MAST4: variants seen among roughly 807,000 people sequenced by gnomAD.
MAST4 encodes the protein microtubule associated serine/threonine kinase family member 4.
Under a neutral mutation model 162.7 loss-of-function variants are expected in MAST4, and 89 were observed. The ratio of observed to expected loss-of-function variants is 0.55; its 90% confidence interval spans 0.46 to 0.65. The LOEUF (loss-of-function observed/expected upper bound fraction) is 0.65. MAST4 is among the 30% of genes least tolerant of loss of function. MAST4 has a pLI of 0.00. For synonymous variants in MAST4, 1,479 were observed against 1,361.1 expected (o/e 1.09, Z -1.91); for missense variants, 3,153 against 3,374.0 (o/e 0.93, Z 1.62).
chr5:66,759,646 G>T, intron 1 of MAST4, 63 bp from the exon 2 acceptor site: 1 of 1,548,378 alleles, frequency 6.5e-7, no homozygotes. Flanking sequence ...GTGAATGATT[G>T]GTCTTTCATT....
intron 3 of MAST4, among the ~76,000 whole-genome samples, chr5:66,815,504 G>A (rs1235564519): frequency 6.6e-6 from 1 of 152,154 alleles, no homozygotes; most frequent in Admixed American, 6.5e-5. Context: ...CAGTATATAT[G>A]GGGCTTGGTA....
chr5:66,747,993 G>T (rs1489178419), intron 1 of MAST4, among the ~76,000 whole-genome samples: 5 of 152,204 alleles, frequency 3.3e-5, no homozygotes, highest in African/African-American at 1.2e-4. Context: ...GACCCGTGAA[G>T]TCTCAGTTGG....
At chr5:67,087,516 C>T (rs960765008) in intron 5 of MAST4, among the ~76,000 whole-genome samples, 9 of 152,168 alleles carry the variant, frequency 5.9e-5, no homozygotes, top group Non-Finnish European at 1.2e-4. Flanking sequence ...GAAACTGTCT[C>T]GATTGCCTTG....
At chr5:66,634,987 C>T (rs901314947) in intron 1 of MAST4, among the ~76,000 whole-genome samples, 4 of 152,222 alleles carry the variant, frequency 2.6e-5, no homozygotes, top group Non-Finnish European at 2.9e-5. Flanking sequence ...CTCTGGGATG[C>T]AGGTCCTGCC....
At chr5:66,876,907 T>A (rs1761340116) in intron 3 of MAST4, among the ~76,000 whole-genome samples, 1 of 152,168 alleles carries the variant, frequency 6.6e-6, no homozygotes, top group South Asian at 2.1e-4. Flanking sequence ...GGATAGAGCT[T>A]AAAACATATC....
intron 4 of MAST4, among the ~76,000 whole-genome samples, chr5:67,053,127 A>AG (rs1159020756): frequency 2.0e-5 from 3 of 152,178 alleles, no homozygotes; most frequent in African/African-American, 4.8e-5. Context: ...AGATAATACT[A>AG]GGGGATGCTG....
chr5:66,968,604 A>G (rs996366354), intron 4 of MAST4, among the ~76,000 whole-genome samples: 1 of 152,212 alleles, frequency 6.6e-6, no homozygotes, highest in African/African-American at 2.4e-5. Flanking sequence ...ATATATATTG[A>G]TTTAATGAAT....
intron 2 of MAST4, among the ~76,000 whole-genome samples, chr5:66,784,526 T>C (rs1482250109): frequency 3.3e-5 from 5 of 152,188 alleles, no homozygotes; most frequent in East Asian, 1.9e-4. Context: ...TAATAAAATA[T>C]GACAGATCTA....
At chr5:67,064,154 G>C (rs1174019556) in intron 5 of MAST4, among the ~76,000 whole-genome samples, 1 of 152,150 alleles carries the variant, frequency 6.6e-6, no homozygotes, top group Non-Finnish European at 1.5e-5. Context: ...ATTGAAAGGA[G>C]AGTTGGAGTG....
chr5:66,870,796 A>G (rs1387543667), intron 3 of MAST4: 1 of 471,382 alleles, frequency 2.1e-6, no homozygotes, highest in African/African-American at 2.0e-5. Context: ...GCCTCCGAAG[A>G]GCCATTTCAA....
At chr5:67,103,408 T>C (rs988504943) in intron 9 of MAST4, among the ~76,000 whole-genome samples, 9 of 152,254 alleles carry the variant, frequency 5.9e-5, no homozygotes, top group Non-Finnish European at 8.8e-5. Flanking sequence ...CCAACATTGA[T>C]GTCATTGATT....
At chr5:66,890,035 TC>T (rs1329921416) in intron 3 of MAST4, among the ~76,000 whole-genome samples, 1 of 152,200 alleles carries the variant, frequency 6.6e-6, no homozygotes, top group Admixed American at 6.5e-5. Context: ...TATTTTAGCT[TC>T]TTTTTTTTAT....
chr5:66,642,817 C>A (rs891851550), intron 1 of MAST4, among the ~76,000 whole-genome samples: 1 of 152,180 alleles, frequency 6.6e-6, no homozygotes, highest in Admixed American at 6.5e-5. Context: ...GTATTGCACT[C>A]TCTTACAACA....
chr5:66,625,409 C>T (rs1744359763), intron 1 of MAST4, among the ~76,000 whole-genome samples: 1 of 152,142 alleles, frequency 6.6e-6, no homozygotes, highest in African/African-American at 2.4e-5. Flanking sequence ...GGATATAACC[C>T]TTGTTGAGTA....
chr5:66,990,793 G>A (rs754248736), intron 4 of MAST4, among the ~76,000 whole-genome samples: 2 of 152,176 alleles, frequency 1.3e-5, no homozygotes, highest in Non-Finnish European at 2.9e-5. Context: ...GCTTATAGGT[G>A]TAAATATGTT....
chr5:67,108,125 G>A (rs551682273), intron 10 of MAST4, among the ~76,000 whole-genome samples: 26 of 152,178 alleles, frequency 1.7e-4, no homozygotes, highest in Admixed American at 4.6e-4. Context: ...GAACTAAGAA[G>A]GTAGAATAAA....
intron 1 of MAST4, among the ~76,000 whole-genome samples, chr5:66,647,726 A>T (rs529541214): frequency 2.0e-5 from 3 of 152,068 alleles, no homozygotes; most frequent in Non-Finnish European, 4.4e-5. Flanking sequence ...TAAATGCTCA[A>T]TTATATACTC....
At chr5:67,113,330 A>AG in intron 11 of MAST4, among the ~76,000 whole-genome samples, 1 of 150,742 alleles carries the variant, frequency 6.6e-6, no homozygotes, top group Non-Finnish European at 1.5e-5. Context: ...AAAAAAAAAA[A>AG]AAAAAAAAGG....
intron 1 of MAST4, among the ~76,000 whole-genome samples, chr5:66,612,684 C>T (rs566035149): frequency 1.8e-4 from 27 of 152,186 alleles, no homozygotes; most frequent in African/African-American, 4.8e-4. Flanking sequence ...AAAGTGCCTA[C>T]GGGGAGGGAA....
Sources: gnomAD v4.1 joint callset for allele counts (sites outside exome capture counted in the v4.1 genomes callset) on GRCh38, gnomAD v4.1.1 for gene constraint, MANE v1.5 for transcripts, NCBI Gene and HGNC (gene_info 2026-07-23, HGNC 2026-07-21) for gene names.